Variants in ANO1 observed in about 807,000 individuals in gnomAD.
ANO1 encodes the protein anoctamin-1.
ANO1 carries 59 observed loss-of-function variants against 124.0 expected under a neutral mutation model. That is an observed-to-expected ratio of 0.48 (90% CI 0.39 to 0.59). ANO1 has a LOEUF of 0.59. Ranked by LOEUF, ANO1 falls within the 20% of genes least tolerant of loss-of-function variation. The pLI, the probability that ANO1 is intolerant of heterozygous loss-of-function variation, is 0.00. For missense variants in ANO1, 1,059 were observed against 1,328.0 expected, an observed-to-expected ratio of 0.80 and a Z score of 3.15; for synonymous variants, 529 against 532.0, an observed-to-expected ratio of 0.99 and a Z score of 0.08.
intron 11 of ANO1, among the ~76,000 whole-genome samples, chr11:70,137,380 C>A (rs1233569511): frequency 7.1e-6 from 1 of 140,348 alleles, no homozygotes. Flanking sequence ...CCTCCCTGGA[C>A]GCTGCGTCCA....
In ANO1 at chr11:70,126,108, T is replaced by G; in HGVS notation, c.1010T>G (p.Val337Gly). ...GGCCTGTACTTCGCCTGGCTGGGCGTGTACACCCAGATGCTCATCCCTGCC... is the reference window on the plus strand; with the variant it reads ...GGCCTGTACTTCGCCTGGCTGGGCGGGTACACCCAGATGCTCATCCCTGCC... ...KIGLYFAWLG[V>G]YTQMLIPASI... Residue 337 changes from valine (V) to glycine (G), a missense_variant, in exon 10 of 26, where the codon GTG becomes GGG. Around this residue, in one of 2 missense-constraint regions of ANO1, gnomAD observed 809 missense variants for 1,094.9 expected, o/e 0.74. Coordinates refer to ENST00000355303, the MANE Select transcript of ANO1 (RefSeq NM_018043.7). 6.2e-7 allele frequency: 1 copy of G among 1,613,504 alleles called. No individual in the cohort carries two copies. The highest frequency in any genetic ancestry group is 1.1e-5 in the South Asian group (1 of 90,900).
chr11:70,182,459 G>A (rs370200178), intron 23 of ANO1, 43 bp from the exon 24 acceptor site: 95 of 1,452,034 alleles, frequency 6.5e-5, no homozygotes, highest in Middle Eastern at 1.8e-4. Flanking sequence ...GCCCTTCTGC[G>A]CCCAGGCTGG....
At chr11:70,066,092 G>A (rs1447772456) in intron 1 of ANO1, among the ~76,000 whole-genome samples, 5 of 152,180 alleles carry the variant, frequency 3.3e-5, no homozygotes, top group South Asian at 2.1e-4. Flanking sequence ...TGTTTATTCC[G>A]TGACCCAGCC....
Position 70,157,000 on chromosome 11 carries a change from C to G in ANO1, c.1557C>G (p.Asn519Lys). ...ATCGGTTCCCAGCCTACCTCACTAA[C>G]TTGGTCTCCATCATCTTCATGGTAA... ...WRDRFPAYLT[N>K]LVSIIFMIAV... The change falls in exon 16 of 26, where the codon AAC (asparagine) becomes AAG (lysine). Residue 519 changes from asparagine to lysine, a missense_variant. This residue lies in a region of ANO1 where 809 missense variants were observed against 1,094.9 expected (regional missense o/e 0.74). Transcript: ENST00000355303. 6.2e-7 allele frequency: 1 copy of G among 1,613,566 alleles called. No homozygotes were observed. The highest frequency in any genetic ancestry group is 8.5e-7 in the Non-Finnish European group (1 of 1,179,758).
At chr11:69,980,616 C>T in the ANO1 span, among the ~76,000 whole-genome samples, 56 of 148,738 alleles carry the variant, frequency 3.8e-4, no homozygotes, top group Non-Finnish European at 1.5e-5. Flanking sequence ...GTAAGACTGT[C>T]TCAAAAAAAA....
chr11:70,051,049 A>G (rs1473248449), intron 1 of ANO1, among the ~76,000 whole-genome samples: 4 of 152,314 alleles, frequency 2.6e-5, no homozygotes, highest in East Asian at 3.9e-4. Flanking sequence ...ACATTCATGA[A>G]AGTGTACAGA....
chr11:70,019,600 T>C (rs578261384), intron 1 of ANO1, among the ~76,000 whole-genome samples: 30 of 152,068 alleles, frequency 2.0e-4, no homozygotes, highest in Non-Finnish European at 3.5e-4. Context: ...GACATCACCC[T>C]GGGAGCTTAA....
chr11:70,149,691 G>T lies in ANO1; in HGVS notation c.1259-19G>T. ...TGCCTTTATGTCATCAGAGACTCTG[G>T]TTTTGCCCCTGCCCGCAGCTGCCAC... On this transcript the variant is annotated intron_variant, in intron 11 of 25. Coordinates refer to ENST00000355303, the MANE Select transcript of ANO1 (RefSeq NM_018043.7). The T allele has an allele frequency of 6.2e-7, 1 of 1,610,782 alleles. No homozygotes were observed. Among genetic ancestry groups the T allele is most frequent in the Non-Finnish European group, 8.5e-7 (1 of 1,178,786 alleles).
chr11:70,078,924 G>A (rs962185054), intron 1 of ANO1, among the ~76,000 whole-genome samples: 120 of 151,840 alleles, frequency 7.9e-4, no homozygotes, highest in African/African-American at 2.8e-3. Flanking sequence ...CGCTCTGAGC[G>A]TTCCGAGCGC....
chr11:70,098,104 G>A (rs746259271), intron 2 of ANO1, among the ~76,000 whole-genome samples: 15 of 152,246 alleles, frequency 9.9e-5, no homozygotes, highest in South Asian at 2.1e-4. Flanking sequence ...CGAGTCCGAC[G>A]GCAGGAGGAT....
chr11:70,065,155 T>A (rs1857686238), intron 1 of ANO1: 1 of 152,194 alleles, frequency 6.6e-6, no homozygotes, highest in South Asian at 2.1e-4. Flanking sequence ...TTTTTTCTTA[T>A]GAAGGAGCAA....
Position 70,171,036 on chromosome 11 carries a change from A to G in ANO1, c.2347A>G (p.Ile783Val), listed in dbSNP as rs2048449242. ...RRPVAVRAKD[I>V]GIWYNILRGI... Reference sequence around the variant, plus strand: ...GCCGGTAGCTGTCAGAGCCAAAGACATCGGTGAGTGACCCCACGGGCCGGC... The same window carrying G: ...GCCGGTAGCTGTCAGAGCCAAAGACGTCGGTGAGTGACCCCACGGGCCGGC... The change falls in exon 22 of 26, where the codon ATC becomes GTC. Residue 783 changes from isoleucine to valine, a missense_variant. Ile to Val is a conservative substitution (Grantham distance 29). Coordinates refer to ENST00000355303, the MANE Select transcript of ANO1 (RefSeq NM_018043.7). 6.2e-7 allele frequency: 1 copy of G among 1,611,752 alleles called. No homozygotes were observed.
intron 1 of ANO1, among the ~76,000 whole-genome samples, chr11:70,006,574 TCTTTCTTA>T (rs71862029): frequency 0.48 from 71,617 of 148,206 alleles, 18,178 homozygotes; most frequent in East Asian, 0.88. Context: ...TTTCTTTCTT[TCTTTCTTA>T]CTTACTTTCT....
upstream of ANO1, chr11:70,074,892 C>T (rs1253042408): frequency 6.6e-6 from 1 of 152,320 alleles, no homozygotes; most frequent in African/African-American, 2.4e-5. Context: ...CACGCTAGAG[C>T]TCCTTTATTA....
chr11:70,184,594 G>T (rs1013076956), intron 24 of ANO1, among the ~76,000 whole-genome samples: 1 of 152,232 alleles, frequency 6.6e-6, no homozygotes, highest in Admixed American at 6.5e-5. Flanking sequence ...CCCCAGACCC[G>T]GGTAGGGCAG....
intron 10 of ANO1, among the ~76,000 whole-genome samples, chr11:70,127,019 G>A: frequency 7.4e-6 from 1 of 136,040 alleles, no homozygotes; most frequent in Non-Finnish European, 1.6e-5. Flanking sequence ...GTACAGGCTG[G>A]TGCTCCCAGG....
intron 22 of ANO1, among the ~76,000 whole-genome samples, chr11:70,175,090 A>G (rs2048641128): frequency 6.8e-6 from 1 of 148,114 alleles, no homozygotes; most frequent in African/African-American, 2.5e-5. Context: ...GGCTGTCCCC[A>G]GACAGTGGCT....
intron 1 of ANO1, among the ~76,000 whole-genome samples, chr11:70,004,882 G>A (rs1856456621): frequency 1.3e-5 from 2 of 152,246 alleles, no homozygotes; most frequent in Admixed American, 1.3e-4. Context: ...GGAGTCCCAG[G>A]TGGGTGGATC....
At chr11:70,060,258 C>T (rs535944690) in intron 1 of ANO1, among the ~76,000 whole-genome samples, 25 of 152,230 alleles carry the variant, frequency 1.6e-4, no homozygotes, top group Admixed American at 6.5e-5. Context: ...GCAATCAGTT[C>T]GGCTTGTTGG....
Sources: allele counts gnomAD v4.1 joint callset (sites outside exome capture counted in the v4.1 genomes callset), GRCh38; gene constraint gnomAD v4.1.1; regional missense constraint gnomAD v4.1.1; transcripts MANE v1.5; gene names NCBI Gene and HGNC (gene_info 2026-07-23, HGNC 2026-07-21).